Variants in KPNA1 observed in about 807,000 individuals in gnomAD.
KPNA1 encodes karyopherin subunit alpha 1.
Under a neutral mutation model 70.5 loss-of-function variants are expected in KPNA1, and 10 were observed. The ratio of observed to expected loss-of-function variants is 0.14; its 90% CI spans 0.09 to 0.24. The LOEUF is 0.24. Ranked by LOEUF, KPNA1 falls within the 10% of genes least tolerant of loss-of-function variation. KPNA1 has a pLI of 1.00. For synonymous variants in KPNA1, 192 were observed against 221.9 expected, an observed-to-expected ratio of 0.87 and a Z score of 1.20; for missense variants, 397 against 637.9, an observed-to-expected ratio of 0.62 and a Z score of 4.07.
intron 5 of KPNA1, 61 bp downstream of exon 5, chr3:122,461,163 A>G: frequency 1.9e-6 from 2 of 1,059,114 alleles, no homozygotes; most frequent in Non-Finnish European, 2.8e-6. Context: ...AAATTTGTGT[A>G]CAAAATAAAA....
intron 1 of KPNA1, among the ~76,000 whole-genome samples, chr3:122,510,696 T>C (rs1450256576): frequency 6.6e-6 from 1 of 152,158 alleles, no homozygotes; most frequent in South Asian, 2.1e-4. Context: ...ATAATTGCTA[T>C]ATCATGATAT....
chr3:122,467,286 C>T, intron 3 of KPNA1, 36 bp downstream of exon 3: 2 of 1,158,500 alleles, frequency 1.7e-6, no homozygotes, highest in Non-Finnish European at 2.5e-6. Flanking sequence ...CTCATATCTT[C>T]ATCACAAAAA....
chr3:122,470,589 A>G (rs987593703), intron 2 of KPNA1, among the ~76,000 whole-genome samples: 3 of 152,034 alleles, frequency 2.0e-5, no homozygotes, highest in African/African-American at 7.2e-5. Context: ...AACAGCAATG[A>G]TACAAGGAAT....
At chr3:122,457,213 AT>A (rs1254809985) in intron 5 of KPNA1, among the ~76,000 whole-genome samples, 1 of 152,146 alleles carries the variant, frequency 6.6e-6, no homozygotes, top group Non-Finnish European at 1.5e-5. Context: ...TTTGCCATCT[AT>A]TTTTTTGTTT....
chr3:122,493,732 C>T (rs111334304), intron 2 of KPNA1, among the ~76,000 whole-genome samples: 7 of 152,154 alleles, frequency 4.6e-5, no homozygotes, highest in African/African-American at 1.4e-4. Flanking sequence ...CCTCCTTTAC[C>T]CTATCACCAC....
chr3:122,485,981 C>T (rs2076624790), intron 2 of KPNA1, among the ~76,000 whole-genome samples: 1 of 152,032 alleles, frequency 6.6e-6, no homozygotes, highest in African/African-American at 2.4e-5. Flanking sequence ...CTGACCATAC[C>T]AAATGTTAAC....
chr3:122,480,430 A>G (rs2076557815), intron 2 of KPNA1, among the ~76,000 whole-genome samples: 1 of 148,826 alleles, frequency 6.7e-6, no homozygotes, highest in South Asian at 2.1e-4. Context: ...GAGGGGAACC[A>G]AAAACTGCTA....
intron 2 of KPNA1, among the ~76,000 whole-genome samples, chr3:122,489,979 A>G (rs1373789328): frequency 3.4e-4 from 52 of 152,172 alleles, no homozygotes; most frequent in Non-Finnish European, 7.3e-5. Context: ...CTAATCCCTC[A>G]TGAATTATGA....
chr3:122,496,357 T>C, intron 2 of KPNA1, 80 bp downstream of exon 2: 1 of 858,356 alleles, frequency 1.2e-6, no homozygotes, highest in Non-Finnish European at 1.7e-6. Context: ...CACCCCAACT[T>C]TGCTAAAATG....
chr3:122,481,914 C>T (rs1028735998), intron 2 of KPNA1, among the ~76,000 whole-genome samples: 25 of 152,102 alleles, frequency 1.6e-4, no homozygotes, highest in African/African-American at 5.6e-4. Flanking sequence ...ACATTTTGGG[C>T]TCAATGAAAT....
intron 10 of KPNA1, among the ~76,000 whole-genome samples, chr3:122,438,910 C>T (rs968051601): frequency 6.6e-6 from 1 of 151,838 alleles, no homozygotes; most frequent in African/African-American, 2.4e-5. Context: ...TGTCAAAAAT[C>T]GTAACAGATT....
intron 2 of KPNA1, among the ~76,000 whole-genome samples, chr3:122,495,188 T>C (rs2076744017): frequency 1.4e-5 from 2 of 143,868 alleles, no homozygotes; most frequent in South Asian, 4.3e-4. Flanking sequence ...AGGTGGAGGT[T>C]GCAGCGAGCC....
At chr3:122,433,906 A>C (rs928719167) in intron 11 of KPNA1, 118 bp from the exon 12 acceptor site, 9 of 778,720 alleles carry the variant, frequency 1.2e-5, no homozygotes, top group African/African-American at 1.8e-5. Context: ...TGTCAGAAAT[A>C]AATTGAAAAG....
chr3:122,428,735 T>C (rs1298187054), intron 12 of KPNA1, among the ~76,000 whole-genome samples: 1 of 152,202 alleles, frequency 6.6e-6, no homozygotes, highest in African/African-American at 2.4e-5. Flanking sequence ...GAATCATTAA[T>C]AACTTCCCAG....
intron 2 of KPNA1, among the ~76,000 whole-genome samples, chr3:122,478,476 C>T (rs1444997977): frequency 1.4e-5 from 2 of 146,606 alleles, no homozygotes; most frequent in African/African-American, 2.5e-5. Flanking sequence ...AAAATTTAAT[C>T]GCAGCACTTG....
intron 1 of KPNA1, among the ~76,000 whole-genome samples, chr3:122,503,857 C>T (rs2076858157): frequency 6.6e-6 from 1 of 151,722 alleles, no homozygotes. Flanking sequence ...TGAAAAAAAA[C>T]ACGGGTATGA....
chr3:122,513,818 T>C (rs749476362), intron 1 of KPNA1, among the ~76,000 whole-genome samples: 2 of 152,164 alleles, frequency 1.3e-5, no homozygotes, highest in Non-Finnish European at 2.9e-5. Flanking sequence ...TAGTCCCAGC[T>C]ACTTGGGAAG....
chr3:122,431,653 GTAAT>G (rs2075910887), intron 12 of KPNA1, among the ~76,000 whole-genome samples: 1 of 152,136 alleles, frequency 6.6e-6, no homozygotes, highest in African/African-American at 2.4e-5. Context: ...TAGGAGGTTG[GTAAT>G]TAATTTTATT....
chr3:122,428,300 CAT>C (rs2075849924), intron 12 of KPNA1, among the ~76,000 whole-genome samples: 2 of 152,262 alleles, frequency 1.3e-5, no homozygotes, highest in African/African-American at 2.4e-5. Context: ...AGTAAATAGT[CAT>C]GTCATTTTTT....
Sources: allele counts gnomAD v4.1 joint callset (sites outside exome capture counted in the v4.1 genomes callset), GRCh38; gene constraint gnomAD v4.1.1; transcripts MANE v1.5; gene names NCBI Gene and HGNC (gene_info 2026-07-23, HGNC 2026-07-21).